The following GRM8 variants were observed in gnomAD, a reference collection of about 807,000 sequenced individuals.
GRM8 encodes glutamate metabotropic receptor 8, also known as metabotropic glutamate receptor 8.
In GRM8, 47 loss-of-function variants were observed where a neutral mutation model predicts 87.2. That is an observed-to-expected ratio of 0.54 (90% CI 0.43 to 0.69). GRM8 has a LOEUF of 0.69. Ranked by LOEUF, GRM8 falls within the 30% of genes least tolerant of loss-of-function variation. The pLI, the probability that GRM8 is intolerant of heterozygous loss-of-function variation, is 0.00. For synonymous variants in GRM8, 396 were observed against 404.5 expected (o/e 0.98, Z 0.25); for missense variants, 1,019 against 1,139.2 (o/e 0.89, Z 1.52).
chr7:126,471,841 T>C (rs1805295006), intron 9 of GRM8, among the ~76,000 whole-genome samples: 1 of 152,166 alleles, frequency 6.6e-6, no homozygotes, highest in Admixed American at 6.5e-5. Context: ...TGTTCTTCCA[T>C]TTGTTTGTAT....
intron 7 of GRM8, among the ~76,000 whole-genome samples, chr7:126,655,315 C>A (rs1056133749): frequency 1.3e-5 from 2 of 152,112 alleles, no homozygotes; most frequent in Non-Finnish European, 2.9e-5. Context: ...CTATGAGATC[C>A]CAGTTGCATC....
chr7:126,740,779 C>T (rs1030958568), intron 7 of GRM8, among the ~76,000 whole-genome samples: 7 of 152,066 alleles, frequency 4.6e-5, no homozygotes, highest in African/African-American at 1.7e-4. Context: ...TAAAGATTCA[C>T]GTTATTCAGG....
At chr7:126,999,348 A>C (rs2132017989) in intron 3 of GRM8, among the ~76,000 whole-genome samples, 1 of 152,016 alleles carries the variant, frequency 6.6e-6, no homozygotes, top group South Asian at 2.1e-4. Flanking sequence ...TTTTTGAATA[A>C]TACTGCACAA....
intron 2 of GRM8, among the ~76,000 whole-genome samples, chr7:127,241,480 C>T (rs903070884): frequency 1.1e-3 from 155 of 147,534 alleles, no homozygotes; most frequent in Non-Finnish European, 9.5e-4. Context: ...GTTGCCCAGG[C>T]TGGAGTGCAG....
intron 8 of GRM8, among the ~76,000 whole-genome samples, chr7:126,587,862 A>G (rs1003582906): frequency 6.6e-6 from 1 of 151,930 alleles, no homozygotes; most frequent in Non-Finnish European, 1.5e-5. Flanking sequence ...TATGAAAAAT[A>G]ATATCTGAAG....
At chr7:126,868,909 C>G (rs1798843521) in intron 6 of GRM8, 1 of 152,138 alleles carries the variant, frequency 6.6e-6, no homozygotes, top group Non-Finnish European at 1.5e-5. Flanking sequence ...AAGTTTGCTG[C>G]ATTGATTGAC....
intron 8 of GRM8, among the ~76,000 whole-genome samples, chr7:126,537,947 T>C (rs1361243977): frequency 1.3e-5 from 2 of 152,190 alleles, no homozygotes; most frequent in African/African-American, 4.8e-5. Context: ...TAACCATATA[T>C]TTTTAAAATT....
intron 7 of GRM8, among the ~76,000 whole-genome samples, chr7:126,673,393 T>A (rs1806595541): frequency 6.6e-6 from 1 of 152,176 alleles, no homozygotes; most frequent in Non-Finnish European, 1.5e-5. Flanking sequence ...ATTTAGAGGA[T>A]GTATACACAG....
chr7:126,726,022 G>A (rs1295145868), intron 7 of GRM8, among the ~76,000 whole-genome samples: 4 of 152,048 alleles, frequency 2.6e-5, no homozygotes, highest in African/African-American at 9.7e-5. Flanking sequence ...ATCAGATTTG[G>A]GTAGGGACAA....
chr7:126,508,339 G>C (rs1025764570), intron 9 of GRM8, among the ~76,000 whole-genome samples: 7 of 151,732 alleles, frequency 4.6e-5, no homozygotes, highest in African/African-American at 1.5e-4. Flanking sequence ...CTGTTATCTT[G>C]TAAAGGCCCT....
chr7:127,221,184 T>C (rs1796905986), intron 2 of GRM8, among the ~76,000 whole-genome samples: 1 of 152,230 alleles, frequency 6.6e-6, no homozygotes, highest in African/African-American at 2.4e-5. Context: ...AAAGTCTACC[T>C]ATGCCAATCT....
chr7:126,592,536 A>G (rs1218386809), intron 8 of GRM8, among the ~76,000 whole-genome samples: 1 of 152,050 alleles, frequency 6.6e-6, no homozygotes, highest in Non-Finnish European at 1.5e-5. Flanking sequence ...AAAACGTATG[A>G]TCATTTCAAT....
chr7:127,113,763 G>A (rs1452706317), intron 2 of GRM8, among the ~76,000 whole-genome samples: 1 of 151,566 alleles, frequency 6.6e-6, no homozygotes, highest in Admixed American at 6.6e-5. Flanking sequence ...CAAAACTCAG[G>A]TCAAAAAAAA....
Position 127,077,929 on chromosome 7 carries a change from G to A in GRM8, c.727+28567C>T, listed in dbSNP as rs558135984. 1.2e-3 allele frequency among the ~76,000 whole-genome samples: 179 copies of A among 152,250 alleles called. 1 individual carries two copies. The highest frequency in any genetic ancestry group is 4.3e-3 in the African/African-American group (178 of 41,544). ...CATTTTTGGTTGTTTCAGTGAGGAG[G>A]TACCGGAACTTGACATGTAGTAGGT... On this transcript the variant is annotated intron_variant, in intron 3 of 10. Coordinates refer to ENST00000339582, the MANE Select transcript of GRM8 (RefSeq NM_000845.3).
Position 126,533,825 on chromosome 7 carries a change from C to A in GRM8, c.1557G>T (p.Pro519=), listed in dbSNP as rs746933680. The change falls in exon 9 of 11, where the codon CCG becomes CCT. Residue 519 remains proline (P), a synonymous_variant. Transcript: ENST00000339582. ...HTHPASVCSL[P]CKPGERKKTV... ...TTTTCTTCCTCTCCCCTGGCTTACA[C>A]GGCAGGCTGCAGACAGACGCCGGGT... 1.9e-6 allele frequency: 3 copies of A among 1,614,072 alleles called. No homozygotes were observed. In the South Asian group the frequency reaches 3.3e-5, roughly 18 times the overall value.
At position 126,854,927 on chromosome 7, in the gene GRM8, C is replaced by T. The variant is rs923897660; in HGVS notation, c.1156+47615G>A. 4.6e-4 allele frequency among the ~76,000 whole-genome samples: 70 copies of T among 152,104 alleles called. 1 individual carries two copies. Among genetic ancestry groups the T allele is most frequent in the Non-Finnish European group, 1.2e-4 (8 of 68,014 alleles). ...TGTTTTGGATGCCCTTTATTTCTTT[C>T]TCTTGTCTGATTGCTCTGGCTAGGA... On this transcript the variant is annotated intron_variant, in intron 6 of 10. Coordinates refer to ENST00000339582, the MANE Select transcript of GRM8 (RefSeq NM_000845.3).
chr7:126,545,891 A>G (rs1817099133), intron 8 of GRM8, among the ~76,000 whole-genome samples: 1 of 152,146 alleles, frequency 6.6e-6, no homozygotes, highest in Non-Finnish European at 1.5e-5. Flanking sequence ...AAGATAATTC[A>G]TTTTAAATTA....
At chr7:126,539,836 A>T (rs1816330561) in intron 8 of GRM8, among the ~76,000 whole-genome samples, 1 of 152,104 alleles carries the variant, frequency 6.6e-6, no homozygotes. Flanking sequence ...AACAACTAAA[A>T]CTTAAAAACT....
intron 9 of GRM8, among the ~76,000 whole-genome samples, chr7:126,455,195 T>C (rs373679934): frequency 1.3e-5 from 2 of 151,728 alleles, no homozygotes; most frequent in Non-Finnish European, 3.0e-5. Flanking sequence ...AAGTCTATTT[T>C]TGAGAATTAC....
Sources: allele counts gnomAD v4.1 joint callset (sites outside exome capture counted in the v4.1 genomes callset), GRCh38; gene constraint gnomAD v4.1.1; transcripts MANE v1.5; gene names NCBI Gene and HGNC (gene_info 2026-07-23, HGNC 2026-07-21).